OTUD3: variants seen among roughly 807,000 people sequenced by gnomAD.
OTUD3 encodes OTU domain-containing protein 3.
Under a neutral mutation model 46.2 loss-of-function variants are expected in OTUD3, and 24 were observed. The ratio of observed to expected loss-of-function variants is 0.52; its 90% CI spans 0.38 to 0.73. OTUD3 has a LOEUF of 0.73. OTUD3 is among the 30% of genes least tolerant of loss of function. The probability of loss-of-function intolerance (pLI) is 0.00; values close to 1 mark genes in which losing one functional copy is unlikely to be tolerated. For missense variants in OTUD3, 455 were observed against 523.3 expected (o/e 0.87, Z 1.27); for synonymous variants, 189 against 195.4 (o/e 0.97, Z 0.27).
At chr1:19,899,066 C>T (rs1223113872) in intron 4 of OTUD3, among the ~76,000 whole-genome samples, 2 of 152,170 alleles carry the variant, frequency 1.3e-5, no homozygotes, top group Admixed American at 6.5e-5. Flanking sequence ...CTGCCTTGGC[C>T]TTCCAACATG....
intron 1 of OTUD3, among the ~76,000 whole-genome samples, chr1:19,883,833 A>G (rs1048708737): frequency 6.6e-6 from 1 of 152,174 alleles, no homozygotes; most frequent in Non-Finnish European, 1.5e-5. Context: ...AAATTTTCAC[A>G]TTACATTGCA....
intron 2 of OTUD3, 58 bp from the exon 3 acceptor site, chr1:19,894,309 GT>G: frequency 2.2e-6 from 2 of 924,138 alleles, no homozygotes; most frequent in Non-Finnish European, 3.4e-6. Context: ...ACCAAAGCAT[GT>G]TTGCATTTAG....
In OTUD3 at chr1:19,909,836, A is replaced by G. The variant is rs536897807; in HGVS notation, c.*2090A>G. The G allele has an allele frequency of 4.6e-5, 7 of 152,474 alleles. No homozygotes were observed. The East Asian group carries it at 9.4e-4, about 20-fold the overall frequency. 9.4% of individuals were successfully genotyped at this position (152,474 alleles called of 1,614,324 possible). On this transcript the variant is annotated 3_prime_UTR_variant, in exon 8 of 8. Transcript: ENST00000375120. ...ATTGGGAACATTTATTTTTTAAATTACCTAATTCTGGTAATAGGCTTCAGC... is the reference window on the plus strand; with the variant it reads ...ATTGGGAACATTTATTTTTTAAATTGCCTAATTCTGGTAATAGGCTTCAGC...
chr1:19,888,117 G>T (rs1478672179), intron 1 of OTUD3, among the ~76,000 whole-genome samples: 1 of 152,210 alleles, frequency 6.6e-6, no homozygotes, highest in Non-Finnish European at 1.5e-5. Context: ...ATCTTTGGTT[G>T]TCACAACTGA....
At chr1:19,894,514 C>T (rs760872074) in intron 3 of OTUD3, 34 bp downstream of exon 3, 4 of 1,250,382 alleles carry the variant, frequency 3.2e-6, no homozygotes, top group South Asian at 2.6e-5. Flanking sequence ...ATCTTAAGCT[C>T]TTATTTCTAA....
chr1:19,882,419 G>C lies in OTUD3; in HGVS notation c.-95G>C. The C allele has an allele frequency of 1.5e-6, 2 of 1,299,822 alleles. No homozygotes were observed. The highest frequency in any genetic ancestry group is 9.7e-7 in the Non-Finnish European group (1 of 1,028,134). 80.5% of individuals were successfully genotyped at this position (1,299,822 alleles called of 1,614,324 possible). A position where few individuals can be genotyped will look rare whatever the true frequency, so the allele number is the denominator to read the frequency against. On this transcript the variant is annotated 5_prime_UTR_variant, in exon 1 of 8. Transcript: ENST00000375120. ...TGCTGCGTAGTCGTCGCCGGGCTCCGTTGCCCGCGCTGTTTTACCTTCCCA... is the reference window on the plus strand; with the variant it reads ...TGCTGCGTAGTCGTCGCCGGGCTCCCTTGCCCGCGCTGTTTTACCTTCCCA...
intron 1 of OTUD3, among the ~76,000 whole-genome samples, chr1:19,886,474 G>C (rs936855737): frequency 6.6e-6 from 1 of 152,062 alleles, no homozygotes; most frequent in African/African-American, 2.4e-5. Flanking sequence ...GCCATCTTTT[G>C]TGCCTCACTC....
chr1:19,895,005 CAGAG>C (rs1263321445), intron 3 of OTUD3, among the ~76,000 whole-genome samples: 1 of 152,110 alleles, frequency 6.6e-6, no homozygotes, highest in Non-Finnish European at 1.5e-5. Flanking sequence ...TTCAATCACC[CAGAG>C]AGAGGTTATT....
chr1:19,901,980 T>C (rs759221060), intron 4 of OTUD3, among the ~76,000 whole-genome samples: 1 of 152,196 alleles, frequency 6.6e-6, no homozygotes, highest in Admixed American at 6.5e-5. Context: ...TGAGTATATG[T>C]GTACAGTATT....
intron 4 of OTUD3, among the ~76,000 whole-genome samples, chr1:19,898,578 A>G (rs1353843832): frequency 1.3e-5 from 2 of 151,816 alleles, no homozygotes; most frequent in Admixed American, 6.6e-5. Context: ...AAAATACAAA[A>G]TTAGCCGGGT....
intron 4 of OTUD3, among the ~76,000 whole-genome samples, chr1:19,898,222 A>G (rs376544593): frequency 1.3e-5 from 2 of 151,932 alleles, no homozygotes; most frequent in South Asian, 4.2e-4. Flanking sequence ...TGCTGGGATT[A>G]CAGGGGTGAG....
rs958789277 is a variant in OTUD3 at position 19,912,199 on chromosome 1, A to C, written c.*4453A>C. 1 of 152,344 alleles carries C rather than the reference A, an allele frequency of 6.6e-6. No individual in the cohort carries two copies. Among genetic ancestry groups the C allele is most frequent in the African/African-American group, 2.4e-5 (1 of 41,458 alleles). 9.4% of individuals were successfully genotyped at this position (152,344 alleles called of 1,614,324 possible). On this transcript the variant is annotated 3_prime_UTR_variant, in exon 8 of 8. Transcript: ENST00000375120. ...TTGCGGCTGGCGGCGATTGCCGGAC[A>C]GACTCTCTGTGGCCTGGCTCTCATC...
chr1:19,889,365 A>G (rs986617844), intron 1 of OTUD3, among the ~76,000 whole-genome samples: 3 of 152,040 alleles, frequency 2.0e-5, no homozygotes, highest in Non-Finnish European at 4.4e-5. Context: ...TTGAAAATTC[A>G]CTTTTCTGAG....
intron 1 of OTUD3, among the ~76,000 whole-genome samples, chr1:19,889,846 A>G (rs978004689): frequency 3.3e-5 from 5 of 152,176 alleles, no homozygotes; most frequent in African/African-American, 1.2e-4. Flanking sequence ...TTTCTCCACT[A>G]TGTTCTTAGG....
chr1:19,909,403 T>C lies in OTUD3; in HGVS notation c.*1657T>C, dbSNP rs998162749. On this transcript the variant is annotated 3_prime_UTR_variant, in exon 8 of 8. Coordinates refer to ENST00000375120, the MANE Select transcript of OTUD3 (RefSeq NM_015207.2). ...GTAAAATTTAGCAGATTAAAAAAAG[T>C]ACACAGCATTTTTTTTCTGTGCACG... is the stretch of plus-strand genomic sequence containing the variant. 5.9e-5 allele frequency: 9 copies of C among 152,440 alleles called. No individual in the cohort carries two copies. Among genetic ancestry groups the C allele is most frequent in the African/African-American group, 1.9e-4 (8 of 41,562 alleles). The allele number at this position is 152,440 out of a possible 1,614,324, so 9.4% of individuals were successfully genotyped here.
In OTUD3 at chr1:19,908,475, G is replaced by A. The variant is rs1487920275; in HGVS notation, c.*729G>A. The A allele has an allele frequency of 6.6e-6, 1 of 152,376 alleles. No homozygotes were observed. Among genetic ancestry groups the A allele is most frequent in the Non-Finnish European group, 1.5e-5 (1 of 68,076 alleles). 9.4% of individuals were successfully genotyped at this position (152,376 alleles called of 1,614,324 possible). A position where few individuals can be genotyped will look rare whatever the true frequency, so the allele number is the denominator to read the frequency against. On this transcript the variant is annotated 3_prime_UTR_variant, in exon 8 of 8. Coordinates refer to ENST00000375120, the MANE Select transcript of OTUD3 (RefSeq NM_015207.2). ...GCCTTGTTGGGAAGTTGATAGTGGTGTTGGGTTTTTGGTATTTGTTTCCTG... is the reference window on the plus strand; with the variant it reads ...GCCTTGTTGGGAAGTTGATAGTGGTATTGGGTTTTTGGTATTTGTTTCCTG...
At chr1:19,888,152 A>G (rs1279565976) in intron 1 of OTUD3, among the ~76,000 whole-genome samples, 1 of 152,218 alleles carries the variant, frequency 6.6e-6, no homozygotes, top group Non-Finnish European at 1.5e-5. Flanking sequence ...GTGATGTGCT[A>G]CTGACAGCTA....
chr1:19,900,184 A>G (rs1459937536), intron 4 of OTUD3, among the ~76,000 whole-genome samples: 2 of 152,114 alleles, frequency 1.3e-5, no homozygotes, highest in Non-Finnish European at 2.9e-5. Context: ...TTAGAATAGT[A>G]CTTTCATAGT....
Position 19,904,327 on chromosome 1 carries a change from G to A in OTUD3, c.667G>A (p.Asp223Asn), listed in dbSNP as rs757904396. The A allele has an allele frequency of 1.2e-6, 2 of 1,612,044 alleles. No individual in the cohort carries two copies. Among genetic ancestry groups the A allele is most frequent in the Non-Finnish European group, 1.7e-6 (2 of 1,178,422 alleles). The stretch of plus-strand genomic sequence containing the variant: ...AGAAAAGATCAAGACAAAGGGAATG[G>A]ACTCTGAAGACGACCTGAGAGATGA... ...KREKIKTKGMDSEDDLRDEVE... is the reference protein window; with the variant it reads ...KREKIKTKGMNSEDDLRDEVE... Residue 223 changes from aspartate (D) to asparagine (N), a missense_variant, in exon 5 of 8, where the codon GAC (aspartate) becomes AAC (asparagine). By Grantham distance (23) the Asp-to-Asn change is conservative. Coordinates refer to ENST00000375120, the MANE Select transcript of OTUD3 (RefSeq NM_015207.2).
Sources: gnomAD v4.1 joint callset for allele counts (sites outside exome capture counted in the v4.1 genomes callset) on GRCh38, gnomAD v4.1.1 for gene constraint, MANE v1.5 for transcripts, NCBI Gene and HGNC (gene_info 2026-07-23, HGNC 2026-07-21) for gene names.